RFC3: variants seen among roughly 807,000 people sequenced by gnomAD.
RFC3 encodes A1 38 kDa subunit.
A neutral mutation model predicts 45.1 loss-of-function variants in RFC3; 41 were observed. The ratio of observed to expected loss-of-function variants is 0.91; its 90% CI spans 0.71 to 1.18. RFC3 has a LOEUF of 1.18. RFC3 is among the 50% of genes most tolerant of loss of function. The probability of loss-of-function intolerance (pLI) is 0.00; values close to 1 mark genes in which losing one functional copy is unlikely to be tolerated. For synonymous variants in RFC3, 149 were observed against 144.0 expected, an observed-to-expected ratio of 1.03 and a Z score of -0.25; for missense variants, 423 against 428.1, an observed-to-expected ratio of 0.99 and a Z score of 0.10.
At chr13:33,829,788 G>T (rs748032032) in intron 4 of RFC3, 48 bp from the exon 5 acceptor site, 7 of 1,450,398 alleles carry the variant, frequency 4.8e-6, no homozygotes, top group Non-Finnish European at 6.8e-6. Context: ...ACAAGTTAAA[G>T]TTTGAGTGAA....
At chr13:33,859,256 C>T (rs2082325848) in intron 8 of RFC3, among the ~76,000 whole-genome samples, 1 of 152,120 alleles carries the variant, frequency 6.6e-6, no homozygotes, top group East Asian at 1.9e-4. Context: ...CCCAAGGCAA[C>T]ATCTAAAGGC....
chr13:33,904,599 A>T (rs769761665), intron 8 of RFC3, among the ~76,000 whole-genome samples: 1 of 152,178 alleles, frequency 6.6e-6, no homozygotes, highest in South Asian at 2.1e-4. Flanking sequence ...GCAAGGCCAG[A>T]TCATGTCACA....
chr13:33,933,723 GA>G (rs58161247), intron 8 of RFC3, among the ~76,000 whole-genome samples: 29 of 148,404 alleles, frequency 2.0e-4, no homozygotes, highest in Non-Finnish European at 2.5e-4. Flanking sequence ...GACCGGCTTG[GA>G]AAAAAAAAAT....
At chr13:33,858,925 T>C (rs990306857) in intron 8 of RFC3, among the ~76,000 whole-genome samples, 2 of 152,186 alleles carry the variant, frequency 1.3e-5, no homozygotes, top group Admixed American at 1.3e-4. Context: ...GTCCCTGAAT[T>C]TGAAACTCCA....
chr13:33,969,601 G>T (rs1488820762), downstream of RFC3, among the ~76,000 whole-genome samples: 3 of 152,158 alleles, frequency 2.0e-5, no homozygotes, highest in Non-Finnish European at 4.4e-5. Flanking sequence ...CATTTACACA[G>T]TGGAAATGGA....
At chr13:33,894,573 T>C (rs1355265657) in intron 8 of RFC3, among the ~76,000 whole-genome samples, 1 of 152,088 alleles carries the variant, frequency 6.6e-6, no homozygotes, top group African/African-American at 2.4e-5. Context: ...CCCACCTTTG[T>C]TGGCTGACTG....
intron 8 of RFC3, among the ~76,000 whole-genome samples, chr13:33,908,808 G>C (rs991086618): frequency 6.6e-6 from 1 of 151,890 alleles, no homozygotes; most frequent in Non-Finnish European, 1.5e-5. Flanking sequence ...GTTCTAACCT[G>C]AAAGCCAAAG....
At chr13:33,828,687 C>T (rs1206799122) in intron 4 of RFC3, among the ~76,000 whole-genome samples, 1 of 152,118 alleles carries the variant, frequency 6.6e-6, no homozygotes, top group East Asian at 1.9e-4. Context: ...CCACCATGCC[C>T]GGCAATGTTT....
chr13:33,938,982 T>G (rs1435443681), intron 8 of RFC3, among the ~76,000 whole-genome samples: 1 of 152,168 alleles, frequency 6.6e-6, no homozygotes, highest in Non-Finnish European at 1.5e-5. Flanking sequence ...GGTATCATAT[T>G]AATGGTTTTG....
intron 7 of RFC3, among the ~76,000 whole-genome samples, chr13:33,834,329 T>TATATATATATATATATATATAC (rs1300798923): frequency 8.0e-6 from 1 of 125,104 alleles, no homozygotes; most frequent in African/African-American, 3.4e-5. Context: ...TATATATATA[T>TATATATATATATATATATATAC]ATCTGTACTG....
intron 8 of RFC3, among the ~76,000 whole-genome samples, chr13:33,963,769 T>G (rs1267729296): frequency 6.6e-6 from 1 of 152,230 alleles, no homozygotes; most frequent in African/African-American, 2.4e-5. Flanking sequence ...AGTGAACGTG[T>G]TATCACGGCC....
chr13:33,882,917 ATCCAAG>A (rs2082494881), intron 8 of RFC3, among the ~76,000 whole-genome samples: 1 of 152,176 alleles, frequency 6.6e-6, no homozygotes, highest in Non-Finnish European at 1.5e-5. Context: ...TTTGAGATCC[ATCCAAG>A]TTGATGTTTG....
At chr13:33,967,971 G>T (rs773031450), downstream of RFC3, among the ~76,000 whole-genome samples, 1 of 152,148 alleles carries the variant, frequency 6.6e-6, no homozygotes, top group Non-Finnish European at 1.5e-5. Flanking sequence ...CTCTGCTAGG[G>T]TAATGAAGAC....
intron 8 of RFC3, among the ~76,000 whole-genome samples, chr13:33,887,696 C>T (rs1188885547): frequency 2.0e-5 from 3 of 152,068 alleles, no homozygotes; most frequent in Admixed American, 6.5e-5. Context: ...GACATGAAGT[C>T]CTTGCCCATG....
chr13:33,882,170 G>T (rs181254423), intron 8 of RFC3, among the ~76,000 whole-genome samples: 1,624 of 152,250 alleles, frequency 0.011, 31 homozygotes, highest in African/African-American at 0.036. Context: ...AGCATCTTAT[G>T]TAAACATAAT....
rs571033858 is a variant in RFC3 at position 33,835,004 on chromosome 13, T to C, written c.810-144T>C. 5.4e-6 allele frequency: 3 copies of C among 552,284 alleles called. No individual in the cohort carries two copies. The African/African-American group carries it at 5.7e-5, about 10-fold the overall frequency. The allele number at this position is 552,284 out of a possible 1,614,324, so 34.2% of individuals were successfully genotyped here. A position where few individuals can be genotyped will look rare whatever the true frequency, so the allele number is the denominator to read the frequency against. ...AGTTATTATTTCTTACTGGATTGTT[T>C]GTTAATTCATAAAGTTAGGTCATAA... On this transcript the variant is annotated intron_variant, in intron 7 of 8. Coordinates refer to ENST00000380071, the MANE Select transcript of RFC3 (RefSeq NM_002915.4).
chr13:33,924,670 T>C (rs1183732227), intron 8 of RFC3, among the ~76,000 whole-genome samples: 2 of 147,866 alleles, frequency 1.4e-5, no homozygotes, highest in Non-Finnish European at 1.5e-5. Flanking sequence ...TGTATATATA[T>C]ATATTATATA....
At chr13:33,946,518 A>T (rs1201746799) in intron 8 of RFC3, among the ~76,000 whole-genome samples, 1 of 152,204 alleles carries the variant, frequency 6.6e-6, no homozygotes, top group Non-Finnish European at 1.5e-5. Context: ...TTTAAATACA[A>T]AATAGTAAAC....
downstream of RFC3, among the ~76,000 whole-genome samples, chr13:33,966,977 C>T (rs1480800180): frequency 2.0e-5 from 3 of 151,676 alleles, no homozygotes; most frequent in Non-Finnish European, 2.9e-5. Flanking sequence ...GGCAACATGG[C>T]GAAACCCCGT....
Sources: allele counts gnomAD v4.1 joint callset (sites outside exome capture counted in the v4.1 genomes callset), GRCh38; gene constraint gnomAD v4.1.1; transcripts MANE v1.5; gene names NCBI Gene and HGNC (gene_info 2026-07-23, HGNC 2026-07-21).